The following DUSP19 variants were observed in gnomAD, a reference collection of about 807,000 sequenced individuals.
DUSP19 encodes dual specificity phosphatase 19.
In DUSP19, 14 loss-of-function variants were observed where a neutral mutation model predicts 16.6. The ratio of observed to expected loss-of-function variants is 0.84; its 90% CI spans 0.56 to 1.32. DUSP19 has a LOEUF of 1.32. Ranked by LOEUF, DUSP19 falls within the 40% of genes most tolerant of loss-of-function variation. The pLI is 0.00. For synonymous variants in DUSP19, 81 were observed against 90.5 expected, an observed-to-expected ratio of 0.90 and a Z score of 0.59; for missense variants, 258 against 255.9, an observed-to-expected ratio of 1.01 and a Z score of -0.06.
intron 3 of DUSP19, among the ~76,000 whole-genome samples, chr2:183,092,865 A>C (rs1412271169): frequency 6.6e-6 from 1 of 151,592 alleles, no homozygotes; most frequent in African/African-American, 2.4e-5. Context: ...CACCACGCCC[A>C]GCTAATTTTT....
chr2:183,079,229 T>C, intron 1 of DUSP19, 70 bp downstream of exon 1: 3 of 1,399,122 alleles, frequency 2.1e-6, no homozygotes, highest in Admixed American at 2.0e-5. Context: ...TTTCCCCCTT[T>C]ATGCGTAATA....
chr2:183,090,520 A>AT (rs1699718796), intron 3 of DUSP19, among the ~76,000 whole-genome samples: 1 of 152,228 alleles, frequency 6.6e-6, no homozygotes, highest in African/African-American at 2.4e-5. Context: ...ATAAGATGTG[A>AT]TTTTAAAAAC....
Position 183,096,670 on chromosome 2 carries a change from A to G in DUSP19, c.*1012A>G, listed in dbSNP as rs1699807343. On this transcript the variant is annotated 3_prime_UTR_variant, in exon 4 of 4. Transcript: ENST00000354221. ...TATTCTCTTACATTTTGTGCTTTTT[A>G]TCTTGGGTGCCTAGCATTCTGTTTT... 6.9e-6 allele frequency: 1 copy of G among 144,292 alleles called. No individual in the cohort carries two copies. The highest frequency in any genetic ancestry group is 2.6e-5 in the African/African-American group (1 of 38,656). 8.9% of individuals were successfully genotyped at this position (144,292 alleles called of 1,614,324 possible).
intron 1 of DUSP19, among the ~76,000 whole-genome samples, chr2:183,082,706 G>C (rs1699607985): frequency 6.6e-6 from 1 of 151,936 alleles, no homozygotes; most frequent in Non-Finnish European, 1.5e-5. Context: ...TTACAGACAG[G>C]AGCCACCACT....
Position 183,078,963 on chromosome 2 carries a change from A to G in DUSP19, c.30A>G (p.Ala10=), listed in dbSNP as rs577412563. The G allele has an allele frequency of 8.7e-6, 14 of 1,614,170 alleles. No individual in the cohort carries two copies. In the East Asian group the frequency reaches 3.1e-4, roughly 36 times the overall value. The change falls in exon 1 of 4, where the codon GCA becomes GCG. Residue 10 remains alanine, a synonymous_variant. Coordinates refer to ENST00000354221, the MANE Select transcript of DUSP19 (RefSeq NM_080876.4). The stretch of plus-strand genomic sequence containing the variant: ...ACTCCCTTAACCAGGAAATTAAAGC[A>G]TTCTCCCGGAATAATCTCAGGAAGC... MYSLNQEIK[A]FSRNNLRKQC...
In DUSP19 at chr2:183,088,088, G is replaced by A. The variant is rs1006433360; in HGVS notation, c.426+896G>A. Among the ~76,000 whole-genome samples the A allele has an allele frequency of 6.1e-4, 93 of 152,126 alleles. 4 individuals carry two copies. The highest frequency in any genetic ancestry group is 7.3e-5 in the Non-Finnish European group (5 of 68,028). ...TGTTTGGACTGCATATATGATGGTG[G>A]TTCCATAAGATTATAATAATGTATT... On this transcript the variant is annotated intron_variant, in intron 3 of 3. Transcript: ENST00000354221.
At chr2:183,095,325 A>T in intron 3 of DUSP19, 106 bp from the exon 4 acceptor site, 1 of 905,288 alleles carries the variant, frequency 1.1e-6, no homozygotes, top group Non-Finnish European at 1.6e-6. Context: ...AATCAATAAA[A>T]CTGAATATTT....
intron 1 of DUSP19, among the ~76,000 whole-genome samples, chr2:183,080,660 T>A (rs149131287): frequency 3.3e-5 from 5 of 152,326 alleles, no homozygotes; most frequent in African/African-American, 1.2e-4. Flanking sequence ...CTTTGCTTAT[T>A]ACTATTATTT....
At chr2:183,084,770 A>G (rs979079073) in intron 2 of DUSP19, among the ~76,000 whole-genome samples, 3 of 152,202 alleles carry the variant, frequency 2.0e-5, no homozygotes, top group African/African-American at 7.2e-5. Context: ...TGCTCAAGTT[A>G]GAGATGGGGG....
At chr2:183,083,892 C>T (rs1699626145) in intron 2 of DUSP19, among the ~76,000 whole-genome samples, 3 of 152,138 alleles carry the variant, frequency 2.0e-5, no homozygotes, top group African/African-American at 7.2e-5. Context: ...TACCTTAAGT[C>T]CCAACTCACA....
chr2:183,095,789 T>A lies in DUSP19; in HGVS notation c.*131T>A. 1.6e-6 allele frequency: 1 copy of A among 624,110 alleles called. No individual in the cohort carries two copies. Among genetic ancestry groups the A allele is most frequent in the Non-Finnish European group, 2.7e-6 (1 of 364,260 alleles). 38.7% of individuals were successfully genotyped at this position (624,110 alleles called of 1,614,324 possible). ...TGCCTTTTTTATGCATAAATGGAGG[T>A]CAATTTGATTGTCCTGACCTACTGT... is the stretch of plus-strand genomic sequence containing the variant. On this transcript the variant is annotated 3_prime_UTR_variant, in exon 4 of 4. Coordinates refer to ENST00000354221, the MANE Select transcript of DUSP19 (RefSeq NM_080876.4).
intron 3 of DUSP19, among the ~76,000 whole-genome samples, chr2:183,087,834 G>A (rs1185235557): frequency 6.6e-6 from 1 of 152,142 alleles, no homozygotes; most frequent in Non-Finnish European, 1.5e-5. Flanking sequence ...TTACAATCAG[G>A]TTTAATTGAA....
At chr2:183,089,388 C>G (rs1286615882) in intron 3 of DUSP19, among the ~76,000 whole-genome samples, 3 of 152,162 alleles carry the variant, frequency 2.0e-5, no homozygotes, top group African/African-American at 7.2e-5. Context: ...CCTGTCAGCT[C>G]CTGTTTCCCA....
chr2:183,083,436 G>T (rs1699619451), intron 1 of DUSP19, 72 bp from the exon 2 acceptor site: 2 of 1,353,772 alleles, frequency 1.5e-6, no homozygotes, highest in South Asian at 1.5e-5. Context: ...TAACAGAATT[G>T]CTGTAGAAAT....
At chr2:183,088,422 T>C (rs1435373065) in intron 3 of DUSP19, among the ~76,000 whole-genome samples, 1 of 148,710 alleles carries the variant, frequency 6.7e-6, no homozygotes. Flanking sequence ...TTTTTTTTTT[T>C]TTGAGATGCA....
intron 3 of DUSP19, among the ~76,000 whole-genome samples, chr2:183,093,709 T>C (rs1699762869): frequency 6.6e-6 from 1 of 152,158 alleles, no homozygotes; most frequent in Non-Finnish European, 1.5e-5. Context: ...TTAGCTAAAA[T>C]TGGATGCACA....
Position 183,078,769 on chromosome 2 carries a change from G to C in DUSP19, c.-165G>C. 1 of 616,818 alleles carries C rather than the reference G, an allele frequency of 1.6e-6. No individual in the cohort carries two copies. Among genetic ancestry groups the C allele is most frequent in the Non-Finnish European group, 2.8e-6 (1 of 355,482 alleles). 38.2% of individuals were successfully genotyped at this position (616,818 alleles called of 1,614,324 possible). A position where few individuals can be genotyped will look rare whatever the true frequency, so the allele number is the denominator to read the frequency against. ...CTTACATTGCATCGCTGGGATAAAC[G>C]GAGCTGGACGACTCAGTCTCTTGGT... is the stretch of plus-strand genomic sequence containing the variant. On this transcript the variant is annotated 5_prime_UTR_variant, in exon 1 of 4. Coordinates refer to ENST00000354221, the MANE Select transcript of DUSP19 (RefSeq NM_080876.4).
At chr2:183,088,360 G>T (rs905017812) in intron 3 of DUSP19, among the ~76,000 whole-genome samples, 3 of 150,812 alleles carry the variant, frequency 2.0e-5, no homozygotes, top group African/African-American at 7.3e-5. Flanking sequence ...TTGGATGGAA[G>T]CAAAGGAAGA....
chr2:183,086,977 T>A, intron 2 of DUSP19, 63 bp from the exon 3 acceptor site: 10 of 1,515,358 alleles, frequency 6.6e-6, no homozygotes, highest in Non-Finnish European at 8.9e-6. Flanking sequence ...AACACCCCAG[T>A]CTCTTTTTAG....
Sources: gnomAD v4.1 joint callset for allele counts (sites outside exome capture counted in the v4.1 genomes callset) on GRCh38, gnomAD v4.1.1 for gene constraint, MANE v1.5 for transcripts, NCBI Gene and HGNC (gene_info 2026-07-23, HGNC 2026-07-21) for gene names.